The following TRPM4 variants were observed in gnomAD, a reference collection of about 807,000 sequenced individuals.
TRPM4 encodes the protein calcium-activated non-selective cation channel 1.
TRPM4 carries 124 observed loss-of-function variants against 135.6 expected under a neutral mutation model. The ratio of observed to expected loss-of-function variants is 0.91; its 90% confidence interval spans 0.79 to 1.06. The LOEUF is 1.06. Ranked by LOEUF, TRPM4 falls within the 50% of genes least tolerant of loss-of-function variation. The pLI is 0.00. For missense variants in TRPM4, 1,658 were observed against 1,671.4 expected (o/e 0.99, Z 0.14); for synonymous variants, 745 against 705.6 (o/e 1.06, Z -0.88).
intron 12 of TRPM4, among the ~76,000 whole-genome samples, chr19:49,184,451 T>C (rs1270339238): frequency 8.9e-6 from 1 of 112,922 alleles, no homozygotes; most frequent in Non-Finnish European, 1.8e-5. Flanking sequence ...GTCTCTGTAG[T>C]CTTTTTTTTT....
At chr19:49,207,636 CAAAAAAAA>C (rs34758808) in intron 20 of TRPM4, among the ~76,000 whole-genome samples, 2 of 38,992 alleles carry the variant, frequency 5.1e-5, no homozygotes, top group Non-Finnish European at 1.0e-4. Flanking sequence ...AACCTTGTCT[CAAAAAAAA>C]AAAAAAAAAA....
rs754138018 is a variant in TRPM4, at chr19:49,210,393, C to T, written c.3316C>T (p.Leu1106Phe). ...GAGCCCCCAGCCGTCCTCCCCGGCC[C>T]TCGAGCATTTCCGTAAGAACAGAGC... ...PRSPQPSSPALEHFRVYLSKE... is the reference protein window; with the variant it reads ...PRSPQPSSPAFEHFRVYLSKE... The change falls in exon 21 of 25, where the codon CTC (leucine) becomes TTC (phenylalanine). Residue 1106 changes from leucine (L) to phenylalanine (F), a missense_variant. Coordinates refer to ENST00000252826, the MANE Select transcript of TRPM4 (RefSeq NM_017636.4). This position sits in a 1 kb window ranked among gnomAD's most constrained non-coding sequence, Gnocchi z 4.1. 7.4e-6 allele frequency: 12 copies of T among 1,613,730 alleles called. No homozygotes were observed. Among genetic ancestry groups the T allele is most frequent in the Non-Finnish European group, 1.0e-5 (12 of 1,180,042 alleles).
intron 2 of TRPM4, among the ~76,000 whole-genome samples, chr19:49,164,116 G>A (rs1568455110): frequency 6.6e-6 from 1 of 152,116 alleles, no homozygotes; most frequent in African/African-American, 2.4e-5. Flanking sequence ...CTGCTCACTA[G>A]GTTTGTGTAA....
At chr19:49,202,881 CTTTT>C (rs752188238) in intron 20 of TRPM4, among the ~76,000 whole-genome samples, 1 of 109,644 alleles carries the variant, frequency 9.1e-6, no homozygotes, top group Non-Finnish European at 1.8e-5. Context: ...ATTTTTACTT[CTTTT>C]TTTTTTTTTT....
chr19:49,171,312 A>G lies in TRPM4; in HGVS notation c.797-45A>G. The stretch of plus-strand genomic sequence containing the variant: ...ATGCGGTTTTCTCCTATCTCCAGCA[A>G]AGGCTGATGGGAGGTAATCAAGCCC... On this transcript the variant is annotated intron_variant, in intron 6 of 24. Coordinates refer to ENST00000252826, the MANE Select transcript of TRPM4 (RefSeq NM_017636.4). This position sits in a 1 kb window ranked among gnomAD's most constrained non-coding sequence, Gnocchi z 4.7. 1 of 1,610,584 alleles carries G rather than the reference A, an allele frequency of 6.2e-7. No individual in the cohort carries two copies. The highest frequency in any genetic ancestry group is 8.5e-7 in the Non-Finnish European group (1 of 1,176,752).
At position 49,211,671 on chromosome 19, in the gene TRPM4, C is replaced by A; in HGVS notation, c.*173C>A. The A allele has an allele frequency of 1.2e-6, 1 of 833,098 alleles. No homozygotes were observed. Among genetic ancestry groups the A allele is most frequent in the Non-Finnish European group, 2.0e-6 (1 of 497,308 alleles). The allele number at this position is 833,098 out of a possible 1,614,324, so 51.6% of individuals were successfully genotyped here. ...GGAGTGTCATCCTTACAAACCACAGCATGCCCGGCTCCTCCCAGAACCAGT... is the reference window on the plus strand; with the variant it reads ...GGAGTGTCATCCTTACAAACCACAGAATGCCCGGCTCCTCCCAGAACCAGT... On this transcript the variant is annotated 3_prime_UTR_variant, in exon 25 of 25. Transcript: ENST00000252826. The surrounding 1 kb of genome is among the most constrained non-coding windows in gnomAD (Gnocchi z 4.8).
Position 49,210,029 on chromosome 19 carries a change from G to A in TRPM4, c.3132-180G>A, listed in dbSNP as rs898675168. ...CTCCCAAAGTGCTGGGACTACAGGC[G>A]TGACCAAACGCCCTTGGCTCTAACC... is the stretch of plus-strand genomic sequence containing the variant. On this transcript the variant is annotated intron_variant, in intron 20 of 24. Transcript: ENST00000252826. This position sits in a 1 kb window ranked among gnomAD's most constrained non-coding sequence, Gnocchi z 4.1. Among the ~76,000 whole-genome samples the A allele has an allele frequency of 6.6e-6, 1 of 152,178 alleles. No homozygotes were observed. Among genetic ancestry groups the A allele is most frequent in the Non-Finnish European group, 1.5e-5 (1 of 68,038 alleles).
chr19:49,182,057 T>TCTCCATCC (rs1967951096), intron 10 of TRPM4, among the ~76,000 whole-genome samples: 1 of 130,280 alleles, frequency 7.7e-6, no homozygotes, highest in African/African-American at 3.1e-5. Flanking sequence ...TCCATCCATT[T>TCTCCATCC]ATCCATCCAT....
Position 49,189,243 on chromosome 19 carries a change from C to T in TRPM4, c.2019+152C>T, listed in dbSNP as rs543338838. The stretch of plus-strand genomic sequence containing the variant: ...AAGTCTCTCTTCTCTCTCAGAAAGG[C>T]TGCTCTTCCCATAAGAAGCCCCGCT... On this transcript the variant is annotated intron_variant, in intron 14 of 24. Transcript: ENST00000252826. 3.3e-6 allele frequency: 4 copies of T among 1,201,030 alleles called. No individual in the cohort carries two copies. The African/African-American group carries it at 6.0e-5, about 18-fold the overall frequency. 74.4% of individuals were successfully genotyped at this position (1,201,030 alleles called of 1,614,324 possible).
Position 49,211,013 on chromosome 19 carries a change from A to C in TRPM4, c.3462-2A>C, listed in dbSNP as rs1555766228. ...CCCCGGTAAGAGGCCCTCCCTTCTC[A>C]GGGTGGACTTGGCACTGAAACAGCT... On this transcript the variant is annotated splice_acceptor_variant, in intron 22 of 24. Transcript: ENST00000252826. LOFTEE classifies it high-confidence loss of function. The surrounding 1 kb of genome is among the most constrained non-coding windows in gnomAD (Gnocchi z 4.8). 1 of 1,613,912 alleles carries C rather than the reference A, an allele frequency of 6.2e-7. No homozygotes were observed. The highest frequency in any genetic ancestry group is 8.5e-7 in the Non-Finnish European group (1 of 1,179,922).
chr19:49,209,743 C>CTTTTTTT (rs780991215), intron 20 of TRPM4, among the ~76,000 whole-genome samples: 6 of 105,852 alleles, frequency 5.7e-5, no homozygotes, highest in Non-Finnish European at 7.5e-5. Flanking sequence ...TCTAAACTGA[C>CTTTTTTT]TTTTTTTTTT....
At chr19:49,203,329 G>A (rs140216982) in intron 20 of TRPM4, among the ~76,000 whole-genome samples, 135 of 151,668 alleles carry the variant, frequency 8.9e-4, no homozygotes, top group East Asian at 4.3e-3. Context: ...ACAGGCGTGC[G>A]CCACCACACC....
At chr19:49,177,330 CTT>C (rs36041791) in intron 9 of TRPM4, among the ~76,000 whole-genome samples, 31 of 117,280 alleles carry the variant, frequency 2.6e-4, no homozygotes, top group African/African-American at 6.8e-4. Flanking sequence ...ATGAATGCGT[CTT>C]TTTTTTTTTT....
intron 9 of TRPM4, among the ~76,000 whole-genome samples, chr19:49,179,382 C>T (rs556924371): frequency 1.4e-5 from 2 of 147,354 alleles, no homozygotes; most frequent in African/African-American, 2.5e-5. Context: ...ACGGAGTCTC[C>T]CTTTCTCACC....
intron 15 of TRPM4, 66 bp downstream of exon 15, chr19:49,190,386 C>A: frequency 1.5e-6 from 2 of 1,369,424 alleles, no homozygotes; most frequent in Non-Finnish European, 2.1e-6. Flanking sequence ...TTCCTGCCCC[C>A]TCTGCCCACC....
chr19:49,188,641 G>A lies in TRPM4; in HGVS notation c.1744G>A (p.Gly582Ser), dbSNP rs172149856. 3.7e-4 allele frequency: 604 copies of A among 1,614,184 alleles called. 7 individuals are homozygous for A. The Middle Eastern group carries it at 0.019, about 51-fold the overall frequency. Reference sequence around the variant, plus strand: ...ATCCGTGCCCTCTTTGTCTCTCCAGGGTTCCAATGCAGTTTCCTCAGCTCT... The same window carrying A: ...ATCCGTGCCCTCTTTGTCTCTCCAGAGTTCCAATGCAGTTTCCTCAGCTCT... ...AQMAMYFWEM[G>S]SNAVSSALGA... Residue 582 changes from glycine to serine, a missense_variant and splice_region_variant, in exon 13 of 25, where the codon GGT becomes AGT. Around this residue, in one of 3 missense-constraint regions of TRPM4, gnomAD observed 1,412 missense variants for 1,408.7 expected, o/e 1.00. Transcript: ENST00000252826.
intron 10 of TRPM4, among the ~76,000 whole-genome samples, chr19:49,182,168 C>CCACCTATCCATTCATCCATA (rs1967973075): frequency 4.8e-5 from 4 of 83,840 alleles, no homozygotes; most frequent in Non-Finnish European, 7.7e-5. Context: ...GTCCATCCAT[C>CCACCTATCCATTCATCCATA]CATCTACCTA....
intron 13 of TRPM4, 73 bp from the exon 14 acceptor site, chr19:49,188,873 C>T (rs1380828795): frequency 6.2e-6 from 10 of 1,613,062 alleles, no homozygotes; most frequent in African/African-American, 1.3e-5. Flanking sequence ...CCCTTAAATT[C>T]CCTTACCTCT....
chr19:49,199,171 C>A (rs566466209), intron 17 of TRPM4, among the ~76,000 whole-genome samples: 2 of 151,766 alleles, frequency 1.3e-5, no homozygotes, highest in Non-Finnish European at 2.9e-5. Context: ...ATAATTTATG[C>A]ACTCTTGACT....
Sources: allele counts gnomAD v4.1 joint callset (sites outside exome capture counted in the v4.1 genomes callset), GRCh38; gene constraint gnomAD v4.1.1; regional missense constraint gnomAD v4.1.1; non-coding constraint Gnocchi (gnomAD v3.1); transcripts MANE v1.5; gene names NCBI Gene and HGNC (gene_info 2026-07-23, HGNC 2026-07-21).